The following ARB2A variants were observed in gnomAD, a reference collection of about 807,000 sequenced individuals.
ARB2A encodes the protein ARB2 cotranscriptional regulator A.
At chr5:93,844,142 A>C in the ARB2A span, among the ~76,000 whole-genome samples, 112 of 151,790 alleles carry the variant, frequency 7.4e-4, no homozygotes, top group Middle Eastern at 0.014. Flanking sequence ...CAAAAAAAAA[A>C]CTCTAAAATT....
the ARB2A span, among the ~76,000 whole-genome samples, chr5:94,043,037 G>C: frequency 1.3e-5 from 2 of 151,998 alleles, no homozygotes; most frequent in African/African-American, 2.4e-5. Flanking sequence ...ACAGGCAATT[G>C]TTGTCTTGTT....
the ARB2A span, among the ~76,000 whole-genome samples, chr5:93,729,287 C>T: frequency 6.6e-6 from 1 of 152,144 alleles, no homozygotes; most frequent in South Asian, 2.1e-4. Flanking sequence ...TTGATTTTCT[C>T]ACTTCTTTCC....
chr5:94,001,346 C>A, the ARB2A span, among the ~76,000 whole-genome samples: 1 of 151,996 alleles, frequency 6.6e-6, no homozygotes, highest in Admixed American at 6.6e-5. Context: ...CCTCAAGTAG[C>A]TCGTGTACAA....
At chr5:93,806,528 T>C in the ARB2A span, among the ~76,000 whole-genome samples, 3 of 151,914 alleles carry the variant, frequency 2.0e-5, no homozygotes, top group Admixed American at 6.6e-5. Context: ...CTCAGGTATA[T>C]ACTTCATTAT....
chr5:93,706,118 A>G, the ARB2A span, among the ~76,000 whole-genome samples: 4 of 152,268 alleles, frequency 2.6e-5, no homozygotes, highest in African/African-American at 9.6e-5. Flanking sequence ...CATGATTCAT[A>G]GTAGCCAAAA....
chr5:94,103,275 C>T, the ARB2A span, among the ~76,000 whole-genome samples: 5 of 151,978 alleles, frequency 3.3e-5, no homozygotes, highest in African/African-American at 7.2e-5. Flanking sequence ...CAACAGACCC[C>T]TCTCACATGC....
At chr5:93,739,098 C>A in the ARB2A span, 12,576 of 152,158 alleles carry the variant, frequency 0.083, 756 homozygotes, top group Middle Eastern at 0.17. Flanking sequence ...GATCTCTTGA[C>A]CTTGTGATCT....
chr5:93,620,966 C>T, the ARB2A span: 3 of 1,599,516 alleles, frequency 1.9e-6, no homozygotes, highest in Non-Finnish European at 2.6e-6. Flanking sequence ...AGGGCGGCCT[C>T]CCCCGTCGCG....
the ARB2A span, among the ~76,000 whole-genome samples, chr5:93,693,994 C>A: frequency 2.6e-5 from 4 of 152,080 alleles, no homozygotes; most frequent in African/African-American, 7.2e-5. Context: ...ATTCAACACC[C>A]CTTCATGCTA....
the ARB2A span, among the ~76,000 whole-genome samples, chr5:93,873,952 T>C: frequency 5.4e-4 from 82 of 152,286 alleles, no homozygotes; most frequent in African/African-American, 1.9e-3. Flanking sequence ...TTCTACCACA[T>C]GAAAGGCAAA....
chr5:93,874,215 G>A, the ARB2A span, among the ~76,000 whole-genome samples: 1 of 152,100 alleles, frequency 6.6e-6, no homozygotes, highest in East Asian at 1.9e-4. Flanking sequence ...CTGGTTCCTG[G>A]AACAGAGCTC....
chr5:93,877,760 T>A, the ARB2A span, among the ~76,000 whole-genome samples: 1 of 152,032 alleles, frequency 6.6e-6, no homozygotes, highest in Non-Finnish European at 1.5e-5. Flanking sequence ...GAGGAAGAGG[T>A]GGCATTTCAG....
chr5:93,635,356 C>G, the ARB2A span, among the ~76,000 whole-genome samples: 1 of 152,168 alleles, frequency 6.6e-6, no homozygotes, highest in East Asian at 1.9e-4. Flanking sequence ...TTTTAAAAGC[C>G]ACTTCAATAT....
the ARB2A span, among the ~76,000 whole-genome samples, chr5:93,973,401 T>C: frequency 7.2e-5 from 11 of 152,008 alleles, no homozygotes; most frequent in Non-Finnish European, 1.3e-4. Flanking sequence ...GAATAAAGCC[T>C]TCAAGAAATA....
the ARB2A span, among the ~76,000 whole-genome samples, chr5:94,038,352 A>G: frequency 5.3e-5 from 8 of 152,072 alleles, no homozygotes; most frequent in African/African-American, 1.9e-4. Context: ...CTAAAGTACT[A>G]AAATGGTACT....
chr5:93,979,822 G>C, the ARB2A span, among the ~76,000 whole-genome samples: 1 of 151,546 alleles, frequency 6.6e-6, no homozygotes, highest in Non-Finnish European at 1.5e-5. Flanking sequence ...TCACTCTCTG[G>C]TATAAAAGTG....
At chr5:94,100,957 A>C in the ARB2A span, among the ~76,000 whole-genome samples, 1 of 152,186 alleles carries the variant, frequency 6.6e-6, no homozygotes. Flanking sequence ...TAAACTTAAG[A>C]GCTTCTGCAC....
At chr5:93,989,126 T>C in the ARB2A span, among the ~76,000 whole-genome samples, 2 of 152,194 alleles carry the variant, frequency 1.3e-5, no homozygotes, top group Non-Finnish European at 2.9e-5. Context: ...TCTTAATTTG[T>C]GTGGCATAAT....
At chr5:94,075,428 A>G in the ARB2A span, among the ~76,000 whole-genome samples, 19 of 152,230 alleles carry the variant, frequency 1.2e-4, no homozygotes, top group Admixed American at 6.5e-4. Flanking sequence ...TACTTTGGCC[A>G]AAGGGAAGGC....
Sources: gnomAD v4.1 joint callset for allele counts (sites outside exome capture counted in the v4.1 genomes callset) on GRCh38, gnomAD v4.1.1 for gene constraint, MANE v1.5 for transcripts, NCBI Gene and HGNC (gene_info 2026-07-23, HGNC 2026-07-21) for gene names.